UNC13C: variants seen among roughly 807,000 people sequenced by gnomAD.
UNC13C encodes the protein unc-13 homolog C.
A neutral mutation model predicts 245.4 loss-of-function variants in UNC13C; 174 were observed. The ratio of observed to expected loss-of-function variants is 0.71; its 90% CI spans 0.63 to 0.80. UNC13C has a LOEUF of 0.80. Ranked by LOEUF, UNC13C falls within the 30% of genes least tolerant of loss-of-function variation. UNC13C has a pLI of 0.00. For synonymous variants in UNC13C, 992 were observed against 895.1 expected, an observed-to-expected ratio of 1.11 and a Z score of -1.93; for missense variants, 2,829 against 2,602.9, an observed-to-expected ratio of 1.09 and a Z score of -1.89.
chr15:54,044,071 A>T (rs1360071263), intron 2 of UNC13C, among the ~76,000 whole-genome samples: 3 of 152,022 alleles, frequency 2.0e-5, no homozygotes, highest in Non-Finnish European at 2.9e-5. Context: ...TATTGTCGTC[A>T]CTCTCTTTTT....
intron 26 of UNC13C, among the ~76,000 whole-genome samples, chr15:54,541,927 G>C (rs1172210658): frequency 6.6e-6 from 1 of 152,026 alleles, no homozygotes; most frequent in Non-Finnish European, 1.5e-5. Flanking sequence ...TTTCCTTGGT[G>C]TTCCTAGACC....
intron 24 of UNC13C, among the ~76,000 whole-genome samples, chr15:54,524,560 C>G (rs781670350): frequency 6.6e-6 from 1 of 152,192 alleles, no homozygotes; most frequent in Non-Finnish European, 1.5e-5. Flanking sequence ...GTAAATAATT[C>G]TTCTTCCTAA....
intron 2 of UNC13C, among the ~76,000 whole-genome samples, chr15:54,068,242 T>C (rs1419219107): frequency 1.3e-5 from 2 of 152,188 alleles, no homozygotes; most frequent in Non-Finnish European, 2.9e-5. Flanking sequence ...TTGAAACTGA[T>C]GTTCAAGAAA....
At chr15:54,615,120 T>C (rs191857570) in intron 30 of UNC13C, among the ~76,000 whole-genome samples, 1 of 152,022 alleles carries the variant, frequency 6.6e-6, no homozygotes, top group Non-Finnish European at 1.5e-5. Flanking sequence ...CGTGGGTACA[T>C]GAGATGTTTT....
At chr15:54,389,918 G>A (rs925013773) in intron 17 of UNC13C, among the ~76,000 whole-genome samples, 1 of 151,906 alleles carries the variant, frequency 6.6e-6, no homozygotes, top group African/African-American at 2.4e-5. Context: ...TAGTAGAGAT[G>A]GAGTTTCACT....
chr15:54,626,806 T>C (rs777294778), intron 32 of UNC13C, 22 bp from the exon 33 acceptor site: 6 of 1,592,092 alleles, frequency 3.8e-6, no homozygotes, highest in Non-Finnish European at 5.1e-6. Flanking sequence ...TTGCTCAAAA[T>C]TTGTATTTTT....
Position 54,548,926 on chromosome 15 carries a change from T to C in UNC13C, c.5821-709T>C, listed in dbSNP as rs115036160. On this transcript the variant is annotated intron_variant, in intron 27 of 32. Coordinates refer to ENST00000260323, the MANE Select transcript of UNC13C (RefSeq NM_001080534.3). ...ACCACGGTCACTATTCTCAAACTTA[T>C]AGTCTTTAATTCTCCAATAAAATAC... 7.8e-3 allele frequency among the ~76,000 whole-genome samples: 1,193 copies of C among 152,284 alleles called. 20 individuals carry two copies. The highest frequency in any genetic ancestry group is 0.027 in the African/African-American group (1,116 of 41,556).
intron 13 of UNC13C, among the ~76,000 whole-genome samples, chr15:54,304,646 A>G (rs913420907): frequency 3.2e-5 from 4 of 124,106 alleles, no homozygotes; most frequent in Non-Finnish European, 5.2e-5. Context: ...TTCCTTTGAG[A>G]TGTAACTAAA....
chr15:54,294,066 T>C lies in UNC13C; in HGVS notation c.3988+2T>C. 1 of 1,520,174 alleles carries C rather than the reference T, an allele frequency of 6.6e-7. No individual in the cohort carries two copies. The highest frequency in any genetic ancestry group is 1.4e-5 in the African/African-American group (1 of 69,726). 94.2% of individuals were successfully genotyped at this position (1,520,174 alleles called of 1,614,324 possible). On this transcript the variant is annotated splice_donor_variant, in intron 11 of 32. Coordinates refer to ENST00000260323, the MANE Select transcript of UNC13C (RefSeq NM_001080534.3). LOFTEE classifies it high-confidence loss of function. ...AAATGGATGTCTGGTACAACTTAGG[T>C]GATTTTTTTTTTTATCTACTTGAAA...
chr15:54,016,314 T>G (rs1308403095), intron 2 of UNC13C, among the ~76,000 whole-genome samples: 1 of 152,066 alleles, frequency 6.6e-6, no homozygotes, highest in African/African-American at 2.4e-5. Context: ...TAAAAAAAAA[T>G]GTGAAAAGAT....
At chr15:53,993,052 G>C (rs112051426) in intron 1 of UNC13C, among the ~76,000 whole-genome samples, 85 of 152,074 alleles carry the variant, frequency 5.6e-4, no homozygotes, top group Non-Finnish European at 1.2e-4. Context: ...CAGTGATTAA[G>C]TCCTCATTTC....
intron 18 of UNC13C, among the ~76,000 whole-genome samples, chr15:54,397,713 T>C (rs2040099085): frequency 6.6e-6 from 1 of 151,400 alleles, no homozygotes; most frequent in African/African-American, 2.4e-5. Flanking sequence ...TGAAAAGGTG[T>C]TACATATTCT....
At chr15:54,325,192 T>C (rs553643575) in intron 14 of UNC13C, among the ~76,000 whole-genome samples, 170 of 152,058 alleles carry the variant, frequency 1.1e-3, no homozygotes, top group African/African-American at 3.9e-3. Flanking sequence ...GTGCCCATGA[T>C]AATAATAAAT....
the UNC13C span, among the ~76,000 whole-genome samples, chr15:53,878,862 G>T: frequency 6.7e-6 from 1 of 149,042 alleles, no homozygotes; most frequent in Non-Finnish European, 1.5e-5. Flanking sequence ...AACCTCTGAA[G>T]CAATGAATAT....
Position 54,563,843 on chromosome 15 carries a change from G to T in UNC13C, c.5959-3957G>T, listed in dbSNP as rs138013420. On this transcript the variant is annotated intron_variant, in intron 29 of 32. Coordinates refer to ENST00000260323, the MANE Select transcript of UNC13C (RefSeq NM_001080534.3). ...CAGATTCTACTCTCCAGTTCCTTCA[G>T]AGTCATGGGCACAGAGTCAAATTTG... is the stretch of plus-strand genomic sequence containing the variant. Among the ~76,000 whole-genome samples the T allele has an allele frequency of 3.2e-3, 486 of 152,082 alleles. 5 individuals are homozygous for T. The highest frequency in any genetic ancestry group is 0.011 in the African/African-American group (464 of 41,516).
intron 2 of UNC13C, among the ~76,000 whole-genome samples, chr15:54,125,628 T>C (rs1295672094): frequency 1.3e-5 from 2 of 152,200 alleles, no homozygotes; most frequent in Non-Finnish European, 2.9e-5. Flanking sequence ...ATCAGTGTAA[T>C]AGGGAGTGTA....
chr15:54,120,953 T>C (rs1005574175), intron 2 of UNC13C, among the ~76,000 whole-genome samples: 3 of 152,124 alleles, frequency 2.0e-5, no homozygotes, highest in African/African-American at 7.2e-5. Context: ...GCAAAGTAAA[T>C]GGGTTTCTGA....
chr15:53,877,598 GGGA>G, the UNC13C span, among the ~76,000 whole-genome samples: 3 of 152,064 alleles, frequency 2.0e-5, no homozygotes, highest in African/African-American at 7.2e-5. Flanking sequence ...AAGGAGAATA[GGGA>G]GGAGGAGGAG....
At chr15:54,373,630 C>A (rs1170389309) in intron 17 of UNC13C, among the ~76,000 whole-genome samples, 1 of 152,180 alleles carries the variant, frequency 6.6e-6, no homozygotes, top group Non-Finnish European at 1.5e-5. Context: ...ACACCAGGAA[C>A]CATAGAGTCC....
Sources: gnomAD v4.1 joint callset for allele counts (sites outside exome capture counted in the v4.1 genomes callset) on GRCh38, gnomAD v4.1.1 for gene constraint, MANE v1.5 for transcripts, NCBI Gene and HGNC (gene_info 2026-07-23, HGNC 2026-07-21) for gene names.